Variants in FBXO33 observed in about 807,000 individuals in gnomAD.
FBXO33 encodes F-box protein 33, also known as F-box only protein 33.
Under a neutral mutation model 46.3 loss-of-function variants are expected in FBXO33, and 22 were observed. The ratio of observed to expected loss-of-function variants is 0.48; its 90% CI spans 0.34 to 0.68. The LOEUF is 0.68. Among genes scored for constraint, FBXO33 ranks in the 30% least tolerant of loss-of-function variants. FBXO33 has a pLI of 0.01. For missense variants in FBXO33, 692 were observed against 708.8 expected (o/e 0.98, Z 0.27); for synonymous variants, 337 against 291.3 (o/e 1.16, Z -1.60).
chr14:39,430,324 A>G (rs1212620526), intron 1 of FBXO33, among the ~76,000 whole-genome samples: 1 of 152,238 alleles, frequency 6.6e-6, no homozygotes, highest in Admixed American at 6.5e-5. Flanking sequence ...ACTTGGAGCT[A>G]TAACTTATCT....
intron 1 of FBXO33, among the ~76,000 whole-genome samples, chr14:39,422,193 G>A (rs895628001): frequency 6.6e-5 from 10 of 152,214 alleles, no homozygotes; most frequent in African/African-American, 2.4e-4. Flanking sequence ...GGGAGGCGGA[G>A]GTTGCAGTGA....
At chr14:39,407,187 A>C (rs1303103995) in intron 1 of FBXO33, among the ~76,000 whole-genome samples, 1 of 152,228 alleles carries the variant, frequency 6.6e-6, no homozygotes, top group African/African-American at 2.4e-5. Flanking sequence ...TCAAAAATAC[A>C]AGATATTTAG....
At position 39,403,246 on chromosome 14, in the gene FBXO33, A is replaced by G. The variant is rs374496890; in HGVS notation, c.600-735T>C. Among the ~76,000 whole-genome samples, 122 of 152,356 alleles carry G rather than the reference A, an allele frequency of 8.0e-4. 1 individual carries two copies. The highest frequency in any genetic ancestry group is 2.8e-3 in the African/African-American group (117 of 41,584). On this transcript the variant is annotated intron_variant, in intron 1 of 3. Transcript: ENST00000298097. ...AATATTCCTTAACTGAAATCTAAAG[A>G]GAACCTTCTCCAGTTTTATGATCAA...
chr14:39,410,821 C>G (rs2075418715), intron 1 of FBXO33, among the ~76,000 whole-genome samples: 1 of 152,104 alleles, frequency 6.6e-6, no homozygotes, highest in Admixed American at 6.6e-5. Flanking sequence ...AATGAAGGCT[C>G]ACAGGAGTCT....
At chr14:39,423,104 A>T (rs1407365201) in intron 1 of FBXO33, among the ~76,000 whole-genome samples, 1 of 152,192 alleles carries the variant, frequency 6.6e-6, no homozygotes, top group African/African-American at 2.4e-5. Flanking sequence ...CCTGGGTGAC[A>T]GAGTGAGACT....
intron 1 of FBXO33, among the ~76,000 whole-genome samples, chr14:39,412,608 T>C (rs2075428849): frequency 7.1e-6 from 1 of 141,254 alleles, no homozygotes; most frequent in South Asian, 2.2e-4. Context: ...TTTCATTCCT[T>C]TCTTCTCTTG....
rs143128095 is a variant in FBXO33, at chr14:39,426,974, G to A, written c.599+4590C>T. ...TGAGAACGGGAAGCATGTCTTCCCCGCCTGGCACATAGTACGCTCTCAATA... is the reference window on the plus strand; with the variant it reads ...TGAGAACGGGAAGCATGTCTTCCCCACCTGGCACATAGTACGCTCTCAATA... On this transcript the variant is annotated intron_variant, in intron 1 of 3. Coordinates refer to ENST00000298097, the MANE Select transcript of FBXO33 (RefSeq NM_203301.4). 1.8e-3 allele frequency among the ~76,000 whole-genome samples: 280 copies of A among 152,126 alleles called. 2 individuals carry two copies. The highest frequency in any genetic ancestry group is 6.8e-3 in the Middle Eastern group (2 of 294).
Position 39,399,635 on chromosome 14 carries a change from C to A in FBXO33, c.1549G>T (p.Val517Leu), listed in dbSNP as rs1456450191. ...CAAGGTTGACCCAGGCCCAGGGATA[C>A]CTGCTCAATAAGGTTATGCACTGGA... is the stretch of plus-strand genomic sequence containing the variant. Reference protein sequence around the residue: ...VDPVHNLIEQVSLGLGQPWHA... With the variant: ...VDPVHNLIEQLSLGLGQPWHA... The change falls in exon 4 of 4, where the codon GTA becomes TTA. Residue 517 changes from valine to leucine, a missense_variant. Val to Leu is a conservative substitution (Grantham distance 32, BLOSUM62 1). Transcript: ENST00000298097. 6.2e-7 allele frequency: 1 copy of A among 1,613,916 alleles called. No individual in the cohort carries two copies. The highest frequency in any genetic ancestry group is 1.1e-5 in the South Asian group (1 of 91,010).
chr14:39,399,658 GGAT>G lies in FBXO33; in HGVS notation c.1523_1525del (p.Asp508_Pro509delinsAla). On this transcript the variant is annotated inframe_deletion, in exon 4 of 4. Coordinates refer to ENST00000298097, the MANE Select transcript of FBXO33 (RefSeq NM_203301.4). ...TACCTGCTCAATAAGGTTATGCACT[GGAT>G]CTACATCCTGGTCGGCCAGTTCACC... The G allele has an allele frequency of 6.2e-7, 1 of 1,613,910 alleles. No homozygotes were observed. The highest frequency in any genetic ancestry group is 2.2e-5 in the East Asian group (1 of 44,884).
intron 1 of FBXO33, among the ~76,000 whole-genome samples, chr14:39,430,637 G>C (rs1390993344): frequency 6.6e-6 from 1 of 152,154 alleles, no homozygotes; most frequent in Non-Finnish European, 1.5e-5. Flanking sequence ...AACTGCTGAA[G>C]TATTTTTACT....
intron 1 of FBXO33, among the ~76,000 whole-genome samples, chr14:39,427,083 G>A (rs1052882987): frequency 2.0e-5 from 3 of 152,200 alleles, no homozygotes; most frequent in African/African-American, 4.8e-5. Flanking sequence ...CTCTCCCAAG[G>A]CTGCCTCAGA....
At chr14:39,425,053 A>G (rs111548382) in intron 1 of FBXO33, among the ~76,000 whole-genome samples, 13,030 of 152,196 alleles carry the variant, frequency 0.086, 1,829 homozygotes, top group African/African-American at 0.3. Context: ...TCCATCTCAA[A>G]AAAAAAAAGT....
intron 1 of FBXO33, among the ~76,000 whole-genome samples, chr14:39,420,680 A>G (rs1443005619): frequency 6.6e-6 from 1 of 151,990 alleles, no homozygotes; most frequent in Non-Finnish European, 1.5e-5. Context: ...GACAGAGCGA[A>G]ACTCTGTCTC....
intron 1 of FBXO33, among the ~76,000 whole-genome samples, chr14:39,423,600 A>G (rs529627124): frequency 1.3e-5 from 2 of 152,354 alleles, no homozygotes; most frequent in East Asian, 3.9e-4. Context: ...CAACTATTAT[A>G]GTGAGGTCTC....
intron 1 of FBXO33, among the ~76,000 whole-genome samples, chr14:39,413,409 T>C (rs1259396901): frequency 1.3e-5 from 2 of 152,252 alleles, no homozygotes; most frequent in African/African-American, 2.4e-5. Context: ...CTTCCTACAC[T>C]GAAGTCTTGA....
chr14:39,400,735 A>G (rs1472224623), intron 3 of FBXO33, among the ~76,000 whole-genome samples: 2 of 152,236 alleles, frequency 1.3e-5, no homozygotes, highest in Non-Finnish European at 2.9e-5. Flanking sequence ...GAAGCATATC[A>G]ATGGAACCAT....
At chr14:39,429,833 T>C (rs1409413847) in intron 1 of FBXO33, among the ~76,000 whole-genome samples, 1 of 152,050 alleles carries the variant, frequency 6.6e-6, no homozygotes, top group Non-Finnish European at 1.5e-5. Flanking sequence ...CTAATAAAAA[T>C]TGTAGGGGTA....
chr14:39,403,858 G>C (rs1030204661), intron 1 of FBXO33, among the ~76,000 whole-genome samples: 2 of 150,228 alleles, frequency 1.3e-5, no homozygotes, highest in Non-Finnish European at 2.9e-5. Flanking sequence ...TTGGAGCGCA[G>C]TGGTATGATC....
chr14:39,413,510 G>A (rs537109249), intron 1 of FBXO33, among the ~76,000 whole-genome samples: 4 of 152,304 alleles, frequency 2.6e-5, no homozygotes, highest in African/African-American at 9.6e-5. Flanking sequence ...AATCATGAAT[G>A]TTCTGAATGG....
Sources: gnomAD v4.1 joint callset for allele counts (sites outside exome capture counted in the v4.1 genomes callset) on GRCh38, gnomAD v4.1.1 for gene constraint, MANE v1.5 for transcripts, NCBI Gene and HGNC (gene_info 2026-07-23, HGNC 2026-07-21) for gene names.